The following IQCH variants were observed in gnomAD, a reference collection of about 807,000 sequenced individuals.
IQCH encodes IQ domain-containing protein H.
Under a neutral mutation model 117.0 loss-of-function variants are expected in IQCH, and 98 were observed. That is an observed-to-expected ratio of 0.84 (90% CI 0.71 to 0.99). The LOEUF is 0.99. Among genes scored for constraint, IQCH ranks in the 50% least tolerant of loss-of-function variants. The pLI is 0.00. For synonymous variants in IQCH, 412 were observed against 448.2 expected (o/e 0.92, Z 1.02); for missense variants, 1,102 against 1,243.8 (o/e 0.89, Z 1.72).
chr15:67,309,536 G>A (rs1338729842), intron 4 of IQCH, among the ~76,000 whole-genome samples: 1 of 152,000 alleles, frequency 6.6e-6, no homozygotes, highest in Non-Finnish European at 1.5e-5. Context: ...ATAGACTGAT[G>A]TTGAGTTTTG....
At chr15:67,461,988 AT>A (rs1240814365) in intron 16 of IQCH, among the ~76,000 whole-genome samples, 6 of 152,042 alleles carry the variant, frequency 3.9e-5, no homozygotes, top group Non-Finnish European at 7.4e-5. Context: ...GTTTAATTTT[AT>A]TTATTTCCCT....
chr15:67,294,320 T>G (rs1029683536), intron 4 of IQCH, among the ~76,000 whole-genome samples: 4 of 152,216 alleles, frequency 2.6e-5, no homozygotes, highest in African/African-American at 4.8e-5. Context: ...GTTAGTTCTC[T>G]GCCCAATATC....
At chr15:67,298,104 T>C (rs1966869602) in intron 4 of IQCH, among the ~76,000 whole-genome samples, 1 of 151,758 alleles carries the variant, frequency 6.6e-6, no homozygotes, top group South Asian at 2.1e-4. Context: ...AGGTCAGGAG[T>C]TCCAGACCAG....
intron 15 of IQCH, among the ~76,000 whole-genome samples, chr15:67,419,020 T>A (rs567143720): frequency 4.9e-4 from 75 of 152,152 alleles, no homozygotes; most frequent in Non-Finnish European, 9.4e-4. Flanking sequence ...CATGTGAGTT[T>A]TGTAGATGAG....
At chr15:67,389,065 T>G in intron 12 of IQCH, 59 bp downstream of exon 12, 1 of 1,380,334 alleles carries the variant, frequency 7.2e-7, no homozygotes, top group Non-Finnish European at 1.0e-6. Context: ...AATTGGAAAT[T>G]TTAATAACTT....
intron 3 of IQCH, among the ~76,000 whole-genome samples, chr15:67,276,277 G>A (rs1189888522): frequency 1.3e-5 from 2 of 152,192 alleles, no homozygotes; most frequent in Admixed American, 6.5e-5. Context: ...GGAAGGTGGT[G>A]ACATACTGTC....
In IQCH at chr15:67,491,159, G is replaced by A. The variant is rs895707638; in HGVS notation, c.2861+1095G>A. On this transcript the variant is annotated intron_variant, in intron 19 of 20. Transcript: ENST00000335894. The surrounding 1 kb of genome is among the most constrained non-coding windows in gnomAD (Gnocchi z 4.9). Reference sequence around the variant, plus strand: ...ACCAAATAAGAGCCAATTCCTCTACGAAGCACTGATGTTCCTATGTGGCCT... The same window carrying A: ...ACCAAATAAGAGCCAATTCCTCTACAAAGCACTGATGTTCCTATGTGGCCT... Among the ~76,000 whole-genome samples, 1 of 151,886 alleles carries A rather than the reference G, an allele frequency of 6.6e-6. No homozygotes were observed. The highest frequency in any genetic ancestry group is 6.6e-5 in the Admixed American group (1 of 15,264).
chr15:67,293,292 C>T (rs1966813728), intron 4 of IQCH, among the ~76,000 whole-genome samples: 1 of 152,126 alleles, frequency 6.6e-6, no homozygotes, highest in South Asian at 2.1e-4. Flanking sequence ...GCTGAGTAGT[C>T]ATTAGGAAAA....
At chr15:67,418,499 AAATC>A (rs1424672142) in intron 15 of IQCH, among the ~76,000 whole-genome samples, 6 of 126,694 alleles carry the variant, frequency 4.7e-5, no homozygotes, top group Middle Eastern at 8.6e-3. Context: ...AAATGGAAGA[AAATC>A]AAGTGGCTAC....
intron 14 of IQCH, among the ~76,000 whole-genome samples, chr15:67,402,507 C>T (rs1405236540): frequency 6.6e-6 from 1 of 152,212 alleles, no homozygotes; most frequent in Admixed American, 6.5e-5. Context: ...CACATTTAGA[C>T]ATCAAAGCAT....
Position 67,421,193 on chromosome 15 carries a change from T to C in IQCH, c.2219-98T>C, listed in dbSNP as rs2081729548. On this transcript the variant is annotated intron_variant, in intron 15 of 20. Transcript: ENST00000335894. ...AATAAGTTCAGAGAATGTAAGCTAC[T>C]TGCCCAAAGTCTTTCAAGACATGGC... The C allele has an allele frequency of 7.2e-6, 7 of 972,254 alleles. No homozygotes were observed. In the South Asian group the frequency reaches 1.0e-4, roughly 14 times the overall value. The allele number at this position is 972,254 out of a possible 1,614,324, so 60.2% of individuals were successfully genotyped here. A position where few individuals can be genotyped will look rare whatever the true frequency, so the allele number is the denominator to read the frequency against.
At chr15:67,414,532 T>A (rs1372787731) in intron 14 of IQCH, among the ~76,000 whole-genome samples, 3 of 151,958 alleles carry the variant, frequency 2.0e-5, no homozygotes, top group Non-Finnish European at 4.4e-5. Context: ...AGGACCTTCC[T>A]CATCTGTCAT....
chr15:67,333,626 A>G (rs561676114), intron 4 of IQCH, among the ~76,000 whole-genome samples: 1 of 152,306 alleles, frequency 6.6e-6, no homozygotes, highest in South Asian at 2.1e-4. Context: ...ATTTTTACCA[A>G]AATAATAAAA....
In IQCH at chr15:67,453,973, C is replaced by T. The variant is rs2082597940; in HGVS notation, c.2506-11154C>T. On this transcript the variant is annotated intron_variant, in intron 16 of 20. Coordinates refer to ENST00000335894, the MANE Select transcript of IQCH (RefSeq NM_001031715.3). The surrounding 1 kb of genome is among the most constrained non-coding windows in gnomAD (Gnocchi z 5.8). ...CCTCGCTGCCGCCTTGCAGTTCGAT[C>T]TGGGACTGCTGTGCTAGCAATGAGC... Among the ~76,000 whole-genome samples the T allele has an allele frequency of 6.6e-6, 1 of 152,210 alleles. No individual in the cohort carries two copies. Among genetic ancestry groups the T allele is most frequent in the Admixed American group, 6.5e-5 (1 of 15,282 alleles).
intron 4 of IQCH, among the ~76,000 whole-genome samples, chr15:67,317,824 T>C (rs12443344): frequency 6.6e-6 from 1 of 152,108 alleles, no homozygotes; most frequent in Non-Finnish European, 1.5e-5. Context: ...GGAGGGTCTG[T>C]CTAGTTTCAT....
chr15:67,498,610 C>T (rs986116278), intron 20 of IQCH, among the ~76,000 whole-genome samples: 9 of 87,122 alleles, frequency 1.0e-4, no homozygotes, highest in South Asian at 8.0e-4. Context: ...AGCGAGATTC[C>T]GTCTCAAAAA....
intron 10 of IQCH, among the ~76,000 whole-genome samples, chr15:67,380,258 A>G (rs1362837124): frequency 6.6e-6 from 1 of 152,178 alleles, no homozygotes; most frequent in Non-Finnish European, 1.5e-5. Flanking sequence ...AACTTCCTTA[A>G]TTTTTTGAAG....
rs2083638876 is a variant in IQCH, at chr15:67,490,987, G to A, written c.2861+923G>A. Among the ~76,000 whole-genome samples, 1 of 152,104 alleles carries A rather than the reference G, an allele frequency of 6.6e-6. No individual in the cohort carries two copies. Among genetic ancestry groups the A allele is most frequent in the African/African-American group, 2.4e-5 (1 of 41,404 alleles). ...TTCATATCTTGGCACATGGTTACTT[G>A]GTACCTTTAAGTCATCCTACCTAAT... On this transcript the variant is annotated intron_variant, in intron 19 of 20. Coordinates refer to ENST00000335894, the MANE Select transcript of IQCH (RefSeq NM_001031715.3). The surrounding 1 kb of genome is among the most constrained non-coding windows in gnomAD (Gnocchi z 4.9).
chr15:67,368,342 TC>T (rs1376519059), intron 8 of IQCH, among the ~76,000 whole-genome samples: 1 of 152,200 alleles, frequency 6.6e-6, no homozygotes, highest in African/African-American at 2.4e-5. Context: ...ATCATGTACA[TC>T]TTTTGAACAA....
Sources: gnomAD v4.1 joint callset for allele counts (sites outside exome capture counted in the v4.1 genomes callset) on GRCh38, gnomAD v4.1.1 for gene constraint, Gnocchi (gnomAD v3.1) non-coding constraint, MANE v1.5 for transcripts, NCBI Gene and HGNC (gene_info 2026-07-23, HGNC 2026-07-21) for gene names.